INTS2: variants seen among roughly 807,000 people sequenced by gnomAD.
INTS2 encodes KIAA1287.
A neutral mutation model predicts 139.6 loss-of-function variants in INTS2; 57 were observed. That is an observed-to-expected ratio of 0.41 (90% CI 0.33 to 0.51). INTS2 has a LOEUF of 0.51. Among genes scored for constraint, INTS2 ranks in the 20% least tolerant of loss-of-function variants. The pLI, the probability that INTS2 is intolerant of heterozygous loss-of-function variation, is 0.28. For synonymous variants in INTS2, 473 were observed against 493.4 expected, an observed-to-expected ratio of 0.96 and a Z score of 0.55; for missense variants, 1,196 against 1,436.7, an observed-to-expected ratio of 0.83 and a Z score of 2.71.
intron 5 of INTS2, among the ~76,000 whole-genome samples, chr17:61,916,104 G>A (rs1303264658): frequency 6.6e-6 from 1 of 152,020 alleles, no homozygotes; most frequent in African/African-American, 2.4e-5. Flanking sequence ...TATACTACAT[G>A]GCTACAGTAA....
At position 61,881,061 on chromosome 17, in the gene INTS2, G is replaced by A. The variant is rs1166678311; in HGVS notation, c.2200C>T (p.Arg734Ter). ...TTAGCATTATTAGTCAGGAGCATTC[G>A]CCGTAGCAGGGCATCAGTCCCTGTG... is the stretch of plus-strand genomic sequence containing the variant. ...EITGTDALLR[R>*]MLLTNNAKNH... The change falls in exon 17 of 25, where the codon CGA becomes TGA. Residue 734 changes from arginine (R) to a stop codon, truncating the protein, a stop_gained. Coordinates refer to ENST00000251334, the MANE Select transcript of INTS2 (RefSeq NM_001351695.2). LOFTEE classifies it high-confidence loss of function. 2.5e-6 allele frequency: 4 copies of A among 1,613,602 alleles called. No individual in the cohort carries two copies. Among genetic ancestry groups the A allele is most frequent in the South Asian group, 1.1e-5 (1 of 91,076 alleles).
At chr17:61,927,398 G>GA in intron 1 of INTS2, 1 of 160,810 alleles carries the variant, frequency 6.2e-6, no homozygotes, top group South Asian at 1.6e-4. Context: ...AGCCAAAGCA[G>GA]TCCCCTCTCA....
chr17:61,921,714 C>T lies in INTS2; in HGVS notation c.535+11G>A, dbSNP rs772932153. Reference sequence around the variant, plus strand: ...TATATATGAAATCCATCTTAGCACTCAGTACAGTACCTGCTTGTAAAATAC... The same window carrying T: ...TATATATGAAATCCATCTTAGCACTTAGTACAGTACCTGCTTGTAAAATAC... On this transcript the variant is annotated intron_variant, in intron 4 of 24. Transcript: ENST00000251334. 9 of 1,381,866 alleles carry T rather than the reference C, an allele frequency of 6.5e-6. No homozygotes were observed. In the Admixed American group the frequency reaches 1.0e-4, roughly 16 times the overall value. The allele number at this position is 1,381,866 out of a possible 1,614,324, so 85.6% of individuals were successfully genotyped here.
Position 61,907,525 on chromosome 17 carries a change from G to C in INTS2, c.1064C>G (p.Ala355Gly). ...TVRSTRIVEE[A>G]DVDMEPNVSV... ...CACATTGGGCTCCATATCCACATCAGCTTCTTCCACAATTCGGGTGCTTCT... is the reference window on the plus strand; with the variant it reads ...CACATTGGGCTCCATATCCACATCACCTTCTTCCACAATTCGGGTGCTTCT... The change falls in exon 8 of 25, where the codon GCT becomes GGT. Residue 355 changes from alanine (A) to glycine (G), a missense_variant. By Grantham distance (60) the Ala-to-Gly change is moderately conservative. Transcript: ENST00000251334. 2 of 1,598,440 alleles carry C rather than the reference G, an allele frequency of 1.3e-6. No homozygotes were observed. Among genetic ancestry groups the C allele is most frequent in the Non-Finnish European group, 1.7e-6 (2 of 1,172,482 alleles).
At position 61,869,158 on chromosome 17, in the gene INTS2, T is replaced by C; in HGVS notation, c.3139-19A>G. 1 of 1,531,468 alleles carries C rather than the reference T, an allele frequency of 6.5e-7. No individual in the cohort carries two copies. Among genetic ancestry groups the C allele is most frequent in the South Asian group, 1.1e-5 (1 of 88,060 alleles). The allele number at this position is 1,531,468 out of a possible 1,614,324, so 94.9% of individuals were successfully genotyped here. ...CAAATATCTGCAATACAAAATCCAG[T>C]TATTACATGTTTCTCAAGAATATCT... On this transcript the variant is annotated intron_variant, in intron 22 of 24. Coordinates refer to ENST00000251334, the MANE Select transcript of INTS2 (RefSeq NM_001351695.2). The surrounding 1 kb of genome is among the most constrained non-coding windows in gnomAD (Gnocchi z 5.4).
intron 1 of INTS2, 127 bp downstream of exon 1, chr17:61,927,527 T>C: frequency 2.2e-6 from 1 of 455,294 alleles, no homozygotes; most frequent in Non-Finnish European, 3.1e-6. Flanking sequence ...AGCCAAGACC[T>C]GCGTGCTCCT....
intron 9 of INTS2, among the ~76,000 whole-genome samples, chr17:61,902,858 TAAAAAAAAAAAAA>T (rs1049738346): frequency 1.0e-5 from 1 of 98,088 alleles, no homozygotes; most frequent in Non-Finnish European, 2.2e-5. Flanking sequence ...TGAAAGAGCT[TAAAAAAAAAAAAA>T]AAAAAAAAAC....
chr17:61,925,590 AT>A (rs1161109497), intron 2 of INTS2, among the ~76,000 whole-genome samples: 3 of 151,842 alleles, frequency 2.0e-5, no homozygotes, highest in African/African-American at 7.3e-5. Flanking sequence ...AAAAATAAAA[AT>A]AAAAATAAAT....
intron 16 of INTS2, among the ~76,000 whole-genome samples, chr17:61,883,413 G>T (rs752817369): frequency 6.7e-6 from 1 of 148,606 alleles, no homozygotes; most frequent in African/African-American, 2.5e-5. Flanking sequence ...TCCGGTTAAC[G>T]ATGAGCAATG....
At position 61,927,915 on chromosome 17, in the gene INTS2, T is replaced by C. The variant is rs1309861970; in HGVS notation, c.-280A>G. On this transcript the variant is annotated 5_prime_UTR_variant, in exon 1 of 25. Transcript: ENST00000251334. ...GTAGGAACGGAAAAGCGGGAGACTT[T>C]TTCAACCTGCACCCAGCACCTTCAT... The C allele has an allele frequency of 1.2e-6, 2 of 1,613,824 alleles. No homozygotes were observed. Among genetic ancestry groups the C allele is most frequent in the Admixed American group, 1.7e-5 (1 of 59,988 alleles).
intron 9 of INTS2, among the ~76,000 whole-genome samples, chr17:61,902,522 T>TGTATA (rs1376262531): frequency 6.6e-6 from 1 of 151,880 alleles, no homozygotes; most frequent in Non-Finnish European, 1.5e-5. Flanking sequence ...ATATACAGAG[T>TGTATA]TATGCAACCA....
rs1395873858 is a variant in INTS2 at position 61,870,487 on chromosome 17, ATCCAT to A, written c.2779-504_2779-500del. ...TCACAAGGAAAGAGTCTACCTTACC[ATCCAT>A]TCCACCTGCACAACTCATTGCTCAG... On this transcript the variant is annotated intron_variant, in intron 20 of 24. Transcript: ENST00000251334. The surrounding 1 kb of genome is among the most constrained non-coding windows in gnomAD (Gnocchi z 4.4). 6.6e-6 allele frequency among the ~76,000 whole-genome samples: 1 copy of A among 152,132 alleles called. No individual in the cohort carries two copies. The highest frequency in any genetic ancestry group is 6.5e-5 in the Admixed American group (1 of 15,272).
At chr17:61,914,844 A>G (rs1262909500) in intron 5 of INTS2, among the ~76,000 whole-genome samples, 3 of 151,588 alleles carry the variant, frequency 2.0e-5, no homozygotes, top group Non-Finnish European at 2.9e-5. Flanking sequence ...ACTGCACTCC[A>G]GCATGCGTGA....
chr17:61,878,056 C>G lies in INTS2; in HGVS notation c.2287G>C (p.Val763Leu). The change falls in exon 18 of 25, where the codon GTG becomes CTG. Residue 763 changes from valine to leucine, a missense_variant. By Grantham distance (32) the Val-to-Leu change is conservative. Transcript: ENST00000251334. ...GTCAAGTGTTCTATAATCTGCATCA[C>G]TTGTGTGTTATTTACTGGGACAGCT... Reference protein sequence around the residue: ...FSAVPVNNTQVMQIIEHLTLL... With the variant: ...FSAVPVNNTQLMQIIEHLTLL... 1 of 1,612,490 alleles carries G rather than the reference C, an allele frequency of 6.2e-7. No individual in the cohort carries two copies. The highest frequency in any genetic ancestry group is 1.7e-5 in the Admixed American group (1 of 60,006).
intron 14 of INTS2, among the ~76,000 whole-genome samples, chr17:61,890,699 T>C (rs2079282512): frequency 1.3e-5 from 2 of 150,396 alleles, no homozygotes; most frequent in African/African-American, 4.9e-5. Context: ...TATCTTGATA[T>C]CCCACACAGT....
At chr17:61,911,407 T>C (rs1260787120) in intron 7 of INTS2, 113 bp downstream of exon 7, 1 of 864,872 alleles carries the variant, frequency 1.2e-6, no homozygotes, top group African/African-American at 1.7e-5. Flanking sequence ...TCCCTGAAAC[T>C]AGAAAGTGTG....
chr17:61,899,441 G>A (rs1481165482), intron 9 of INTS2, among the ~76,000 whole-genome samples: 6 of 151,858 alleles, frequency 4.0e-5, no homozygotes, highest in East Asian at 1.9e-4. Context: ...TAGTAGAGAC[G>A]GGGTTTCACC....
chr17:61,911,461 T>G, intron 7 of INTS2, 59 bp downstream of exon 7: 1 of 1,429,324 alleles, frequency 7.0e-7, no homozygotes, highest in East Asian at 2.4e-5. Context: ...TGTTTCTTTC[T>G]CTTTTAGCAG....
chr17:61,925,513 G>A (rs536421175), intron 2 of INTS2, among the ~76,000 whole-genome samples: 2 of 152,082 alleles, frequency 1.3e-5, no homozygotes, highest in East Asian at 3.9e-4. Context: ...GGAGGTGGAG[G>A]TTGCAGTGAG....
Sources: allele counts gnomAD v4.1 joint callset (sites outside exome capture counted in the v4.1 genomes callset), GRCh38; gene constraint gnomAD v4.1.1; non-coding constraint Gnocchi (gnomAD v3.1); transcripts MANE v1.5; gene names NCBI Gene and HGNC (gene_info 2026-07-23, HGNC 2026-07-21).